Variants in RGPD3 observed in about 807,000 individuals in gnomAD.
RGPD3 encodes the protein RANBP2 like and GRIP domain containing 3.
RGPD3 carries 62 observed loss-of-function variants against 154.5 expected under a neutral mutation model. The observed-to-expected ratio is 0.40, with a 90% confidence interval of 0.33 to 0.50. The LOEUF is 0.50. Among genes scored for constraint, RGPD3 ranks in the 20% least tolerant of loss-of-function variants. RGPD3 has a pLI of 0.59. For missense variants in RGPD3, 919 were observed against 1,716.8 expected, an observed-to-expected ratio of 0.54 and a Z score of 8.21; for synonymous variants, 308 against 607.0, an observed-to-expected ratio of 0.51 and a Z score of 7.24.
At chr2:106,425,896 AG>A (rs1677181172) in intron 19 of RGPD3, 97 bp downstream of exon 19, 1 of 1,097,002 alleles carries the variant, frequency 9.1e-7, no homozygotes, top group Admixed American at 4.1e-5. Context: ...GGGACATAAA[AG>A]TTTTAATAGT....
rs373759193 is a variant in RGPD3 at position 106,406,930 on chromosome 2, C to A, written c.5267-1701G>T. Among the ~76,000 whole-genome samples, 23 of 152,208 alleles carry A rather than the reference C, an allele frequency of 1.5e-4. No homozygotes were observed. In the East Asian group the frequency reaches 4.1e-3, roughly 27 times the overall value. The stretch of plus-strand genomic sequence containing the variant: ...TTTCTGTTCTGTCTGGTTTTATCTG[C>A]GTGTTATTTACAATCTGCTGCGTAA... On this transcript the variant is annotated intron_variant, in intron 22 of 22. Transcript: ENST00000409886.
Position 106,403,554 on chromosome 2 carries a change from T to G in RGPD3, c.*1665A>C, listed in dbSNP as rs1278658994. ...GACATTTGTAAGTGGAGACTATATT[T>G]CAAAACAAGTTTATACAGACTTCAA... is the stretch of plus-strand genomic sequence containing the variant. On this transcript the variant is annotated 3_prime_UTR_variant, in exon 23 of 23. Coordinates refer to ENST00000409886, the MANE Select transcript of RGPD3 (RefSeq NM_001144013.2). Among the ~76,000 whole-genome samples the G allele has an allele frequency of 6.6e-6, 1 of 152,242 alleles. No individual in the cohort carries two copies. The highest frequency in any genetic ancestry group is 1.5e-5 in the Non-Finnish European group (1 of 68,056).
chr2:106,408,734 G>A (rs956232100), intron 22 of RGPD3, among the ~76,000 whole-genome samples: 12 of 151,346 alleles, frequency 7.9e-5, no homozygotes, highest in South Asian at 2.1e-4. Flanking sequence ...ATGCAGTGGC[G>A]TGACCAGGAT....
At chr2:106,427,165 C>T (rs1273313130) in intron 18 of RGPD3, among the ~76,000 whole-genome samples, 2 of 150,308 alleles carry the variant, frequency 1.3e-5, no homozygotes, top group Non-Finnish European at 3.0e-5. Flanking sequence ...AGTAATCTAA[C>T]TTTTAAAAGC....
At chr2:106,412,455 G>A (rs4081818) in intron 22 of RGPD3, among the ~76,000 whole-genome samples, 160 of 151,560 alleles carry the variant, frequency 1.1e-3, no homozygotes, top group African/African-American at 3.2e-3. Context: ...GACTACAGGC[G>A]CATGCCACCA....
At chr2:106,417,827 T>A (rs1225758555) in intron 20 of RGPD3, among the ~76,000 whole-genome samples, 1 of 151,286 alleles carries the variant, frequency 6.6e-6, no homozygotes, top group Non-Finnish European at 1.5e-5. Flanking sequence ...GCTAAAACAT[T>A]TCTTAAAATT....
Position 106,413,129 on chromosome 2 carries a change from G to A in RGPD3, c.5221C>T (p.Gln1741Ter), listed in dbSNP as rs1347746158. 6.2e-7 allele frequency: 1 copy of A among 1,611,222 alleles called. No individual in the cohort carries two copies. The highest frequency in any genetic ancestry group is 8.5e-7 in the Non-Finnish European group (1 of 1,179,750). Reference protein sequence around the residue: ...RLLPVINTMLQLSLEEKGKLA... With the variant: ...RLLPVINTML ...TTTCCCTTTTCTTCAAGGCTGAGCT[G>A]CAACATCGTATTTATAACAGGAAGA... is the stretch of plus-strand genomic sequence containing the variant. The change falls in exon 22 of 23, where the codon CAG becomes TAG. Residue 1741 changes from glutamine (Q) to a stop codon, truncating the protein, a stop_gained. Transcript: ENST00000409886. LOFTEE classifies it high-confidence loss of function.
At position 106,407,071 on chromosome 2, in the gene RGPD3, G is replaced by A. The variant is rs1468346016; in HGVS notation, c.5267-1842C>T. 1.2e-4 allele frequency among the ~76,000 whole-genome samples: 18 copies of A among 148,578 alleles called. No homozygotes were observed. In the Admixed American group the frequency reaches 1.2e-3, roughly 10 times the overall value. On this transcript the variant is annotated intron_variant, in intron 22 of 22. Transcript: ENST00000409886. ...TCACAGGGCTGCAATCAAGATGTTG[G>A]CATGGCTGGGGTCTCATCTGAAGGC...
At chr2:106,461,195 C>T (rs1482613488) in intron 1 of RGPD3, among the ~76,000 whole-genome samples, 1 of 123,814 alleles carries the variant, frequency 8.1e-6, no homozygotes, top group East Asian at 2.5e-4. Flanking sequence ...TTAGCAACCC[C>T]AGTATATGAT....
At chr2:106,427,399 T>C (rs984424225) in intron 18 of RGPD3, among the ~76,000 whole-genome samples, 1 of 151,072 alleles carries the variant, frequency 6.6e-6, no homozygotes, top group Non-Finnish European at 1.5e-5. Context: ...TTAACATTCA[T>C]GTTGATATAC....
At chr2:106,417,583 C>T (rs1262429694) in intron 20 of RGPD3, among the ~76,000 whole-genome samples, 7 of 149,878 alleles carry the variant, frequency 4.7e-5, no homozygotes, top group South Asian at 2.1e-4. Context: ...TCCCTCTTCC[C>T]GGGTTACAGT....
At chr2:106,466,311 G>A (rs1427406391) in intron 1 of RGPD3, among the ~76,000 whole-genome samples, 1 of 150,998 alleles carries the variant, frequency 6.6e-6, no homozygotes, top group African/African-American at 2.4e-5. Flanking sequence ...AACAGAGCGC[G>A]CCAGGGAGCA....
chr2:106,466,237 G>A (rs1220740273), intron 1 of RGPD3, among the ~76,000 whole-genome samples: 3 of 152,134 alleles, frequency 2.0e-5, no homozygotes, highest in Non-Finnish European at 4.4e-5. Context: ...GGTCCCCCCA[G>A]GACTCTTCCT....
chr2:106,466,414 G>A (rs1178638537), intron 1 of RGPD3, among the ~76,000 whole-genome samples: 1 of 139,432 alleles, frequency 7.2e-6, no homozygotes, highest in East Asian at 2.3e-4. Context: ...AGGGAGCAGC[G>A]CCCGTCGGGA....
intron 20 of RGPD3, among the ~76,000 whole-genome samples, chr2:106,420,799 C>T (rs563900562): frequency 2.0e-5 from 3 of 152,328 alleles, no homozygotes; most frequent in African/African-American, 4.8e-5. Context: ...ATTTGAGATG[C>T]GGTCTTCCTT....
intron 7 of RGPD3, among the ~76,000 whole-genome samples, chr2:106,445,244 G>A (rs1157990246): frequency 2.7e-5 from 4 of 147,654 alleles, no homozygotes; most frequent in African/African-American, 2.5e-5. Context: ...AGCCGAGGTC[G>A]TGCCACTGTG....
chr2:106,411,070 C>T (rs1187051534), intron 22 of RGPD3, among the ~76,000 whole-genome samples: 3 of 150,262 alleles, frequency 2.0e-5, no homozygotes, highest in Non-Finnish European at 3.0e-5. Flanking sequence ...GGTATGGGCC[C>T]CAGACCAGAA....
chr2:106,409,065 T>C (rs536493445), intron 22 of RGPD3, among the ~76,000 whole-genome samples: 2 of 152,252 alleles, frequency 1.3e-5, no homozygotes, highest in South Asian at 2.1e-4. Context: ...GGTAGCAACC[T>C]GAATGAAAAA....
intron 1 of RGPD3, among the ~76,000 whole-genome samples, chr2:106,465,023 GGC>G: frequency 6.6e-6 from 1 of 151,474 alleles, no homozygotes; most frequent in South Asian, 2.1e-4. Flanking sequence ...GTAGAAAAAT[GGC>G]AAAACAAGAG....
Sources: gnomAD v4.1 joint callset for allele counts (sites outside exome capture counted in the v4.1 genomes callset) on GRCh38, gnomAD v4.1.1 for gene constraint, MANE v1.5 for transcripts, NCBI Gene and HGNC (gene_info 2026-07-23, HGNC 2026-07-21) for gene names.